Variants in ADGRL4 observed in about 807,000 individuals in gnomAD.
The protein encoded by ADGRL4 is adhesion G protein-coupled receptor L4, also known as EGF, latrophilin and seven transmembrane domain containing 1.
A neutral mutation model predicts 74.8 loss-of-function variants in ADGRL4; 90 were observed. The ratio of observed to expected loss-of-function variants is 1.20; its 90% CI spans 1.02 to 1.43. The LOEUF (loss-of-function observed/expected upper bound fraction) is 1.43. Ranked by LOEUF, ADGRL4 falls within the 40% of genes most tolerant of loss-of-function variation. The pLI is 0.00. For missense variants in ADGRL4, 881 were observed against 814.3 expected, an observed-to-expected ratio of 1.08 and a Z score of -1.00; for synonymous variants, 311 against 279.2, an observed-to-expected ratio of 1.11 and a Z score of -1.14.
chr1:78,914,515 G>A (rs1404691164), intron 12 of ADGRL4, among the ~76,000 whole-genome samples: 1 of 151,646 alleles, frequency 6.6e-6, no homozygotes, highest in Non-Finnish European at 1.5e-5. Context: ...AATGGCAAGT[G>A]GTGATCAATT....
intron 2 of ADGRL4, among the ~76,000 whole-genome samples, chr1:79,004,389 G>C (rs189678748): frequency 1.6e-3 from 236 of 152,072 alleles, no homozygotes; most frequent in Non-Finnish European, 2.7e-3. Context: ...TTGGGGTAGA[G>C]GTGACAACTA....
At chr1:78,986,855 A>T (rs1361527096) in intron 2 of ADGRL4, among the ~76,000 whole-genome samples, 2 of 151,858 alleles carry the variant, frequency 1.3e-5, no homozygotes, top group Non-Finnish European at 2.9e-5. Context: ...CAAAAATAGT[A>T]AAAATGTATC....
intron 2 of ADGRL4, among the ~76,000 whole-genome samples, chr1:78,973,655 CAT>C (rs142719161): frequency 4.1e-5 from 6 of 146,564 alleles, no homozygotes; most frequent in African/African-American, 1.0e-4. Context: ...ATAAGATAAT[CAT>C]ATATATATAT....
rs1235758416 is a variant in ADGRL4, at chr1:78,946,297, G to C, written c.302C>G (p.Thr101Ser). ...ACCTATACAGACGGTTCCATCATTA[G>C]TGATAAACCTGTCTTGGTTACTGCT... ...RSSSNQDRFI[T>S]NDGTVCIENV... is the part of the protein sequence containing the mutation. The change falls in exon 3 of 15, where the codon ACT (threonine) becomes AGT (serine). Residue 101 changes from threonine (T) to serine (S), a missense_variant. Coordinates refer to ENST00000370742, the MANE Select transcript of ADGRL4 (RefSeq NM_022159.4). 2 of 1,612,394 alleles carry C rather than the reference G, an allele frequency of 1.2e-6. 1 individual carries two copies. Among genetic ancestry groups the C allele is most frequent in the Middle Eastern group, 3.3e-4 (2 of 6,042 alleles).
chr1:78,926,813 G>T, intron 8 of ADGRL4, 73 bp downstream of exon 8: 1 of 1,069,772 alleles, frequency 9.3e-7, no homozygotes, highest in Non-Finnish European at 1.4e-6. Context: ...GATAATTTAA[G>T]TGACACAACA....
At chr1:78,995,415 T>C (rs1442615716) in intron 2 of ADGRL4, among the ~76,000 whole-genome samples, 1 of 152,146 alleles carries the variant, frequency 6.6e-6, no homozygotes, top group Non-Finnish European at 1.5e-5. Flanking sequence ...AGAAGAACTT[T>C]CAAGTCACAT....
At chr1:78,954,779 C>T (rs1299993539) in intron 2 of ADGRL4, among the ~76,000 whole-genome samples, 1 of 152,022 alleles carries the variant, frequency 6.6e-6, no homozygotes, top group Non-Finnish European at 1.5e-5. Context: ...AACATTTTAG[C>T]TTAAAAGCTA....
At chr1:78,919,065 A>G (rs561625411) in intron 10 of ADGRL4, among the ~76,000 whole-genome samples, 1 of 152,116 alleles carries the variant, frequency 6.6e-6, no homozygotes, top group African/African-American at 2.4e-5. Flanking sequence ...TGTTACGAAT[A>G]CCACTGCAAA....
chr1:78,995,940 T>C (rs1395119197), intron 2 of ADGRL4, among the ~76,000 whole-genome samples: 1 of 152,162 alleles, frequency 6.6e-6, no homozygotes, highest in East Asian at 1.9e-4. Flanking sequence ...GGGATTTCAA[T>C]TTGTAACGAT....
chr1:78,995,779 G>A (rs1383193707), intron 2 of ADGRL4, among the ~76,000 whole-genome samples: 1 of 152,172 alleles, frequency 6.6e-6, no homozygotes, highest in Non-Finnish European at 1.5e-5. Flanking sequence ...GCTCATTTTA[G>A]GGAAACTAAG....
At chr1:78,981,116 T>C (rs1156786640) in intron 2 of ADGRL4, among the ~76,000 whole-genome samples, 4 of 151,870 alleles carry the variant, frequency 2.6e-5, no homozygotes. Flanking sequence ...AGCCTCTCTA[T>C]AGAACAGCCT....
chr1:78,979,973 G>A (rs1258792127), intron 2 of ADGRL4, among the ~76,000 whole-genome samples: 1 of 151,882 alleles, frequency 6.6e-6, no homozygotes, highest in East Asian at 1.9e-4. Context: ...CAAAATCTCA[G>A]AAATCACTGC....
At chr1:78,923,562 A>G (rs1419034248) in intron 8 of ADGRL4, among the ~76,000 whole-genome samples, 1 of 151,950 alleles carries the variant, frequency 6.6e-6, no homozygotes, top group Non-Finnish European at 1.5e-5. Flanking sequence ...CTCCAACAGC[A>G]AAGACAGGGA....
intron 12 of ADGRL4, among the ~76,000 whole-genome samples, chr1:78,912,985 G>A (rs1380394163): frequency 6.6e-6 from 1 of 151,756 alleles, no homozygotes; most frequent in Non-Finnish European, 1.5e-5. Flanking sequence ...GGGACATGAA[G>A]AGACACTGTT....
At chr1:78,994,277 A>G (rs1462407217) in intron 2 of ADGRL4, among the ~76,000 whole-genome samples, 1 of 152,200 alleles carries the variant, frequency 6.6e-6, no homozygotes, top group Admixed American at 6.5e-5. Context: ...AATATTTGAG[A>G]TGGGATTACA....
At chr1:78,905,153 G>C (rs80023738) in intron 12 of ADGRL4, among the ~76,000 whole-genome samples, 1 of 152,008 alleles carries the variant, frequency 6.6e-6, no homozygotes, top group Non-Finnish European at 1.5e-5. Flanking sequence ...CTTCTAAAGT[G>C]ATATCAGCAA....
chr1:78,938,742 T>G (rs1649412570), intron 4 of ADGRL4, among the ~76,000 whole-genome samples: 1 of 152,074 alleles, frequency 6.6e-6, no homozygotes, highest in African/African-American at 2.4e-5. Flanking sequence ...GACAGTTTAT[T>G]ACTCATGTTG....
Position 78,890,656 on chromosome 1 carries a change from A to G in ADGRL4, c.*498T>C, listed in dbSNP as rs982008625. ...ACAATTTCTCAGCTAGTCTACAGAAAAAACAGTTCATTCAAAATACATCTT... is the reference window on the plus strand; with the variant it reads ...ACAATTTCTCAGCTAGTCTACAGAAGAAACAGTTCATTCAAAATACATCTT... On this transcript the variant is annotated 3_prime_UTR_variant, in exon 15 of 15. Transcript: ENST00000370742. The G allele has an allele frequency of 6.6e-6, 1 of 152,552 alleles. No individual in the cohort carries two copies. The highest frequency in any genetic ancestry group is 6.5e-5 in the Admixed American group (1 of 15,270). The allele number at this position is 152,552 out of a possible 1,614,324, so 9.4% of individuals were successfully genotyped here.
rs1649390201 is a variant in ADGRL4 at position 78,937,951 on chromosome 1, T to C, written c.616A>G (p.Thr206Ala). ...GATAACTTGTCCCAAACTACAAATG[T>C]ATCCCTTTGAACAAAATTATTCACG... ...KTVNNFVQRD[T>A]FVVWDKLSVN... is the part of the protein sequence containing the mutation. The change falls in exon 6 of 15, where the codon ACA becomes GCA. Residue 206 changes from threonine to alanine, a missense_variant. Physicochemically the swap from Thr to Ala is moderately conservative, Grantham distance 58 (BLOSUM62 0). Transcript: ENST00000370742. The C allele has an allele frequency of 6.2e-7, 1 of 1,612,032 alleles. No homozygotes were observed. The highest frequency in any genetic ancestry group is 2.2e-5 in the East Asian group (1 of 44,806).
Sources: allele counts gnomAD v4.1 joint callset (sites outside exome capture counted in the v4.1 genomes callset), GRCh38; gene constraint gnomAD v4.1.1; transcripts MANE v1.5; gene names NCBI Gene and HGNC (gene_info 2026-07-23, HGNC 2026-07-21).